The following VPS41 variants were observed in gnomAD, a reference collection of about 807,000 sequenced individuals.
VPS41 encodes the protein vacuolar protein sorting-associated protein 41 homolog.
A neutral mutation model predicts 130.9 loss-of-function variants in VPS41; 85 were observed. That is an observed-to-expected ratio of 0.65 (90% confidence interval 0.55 to 0.78). The LOEUF is 0.78. Among genes scored for constraint, VPS41 ranks in the 30% least tolerant of loss-of-function variants. The probability of loss-of-function intolerance (pLI) is 0.00; values close to 1 mark genes in which losing one functional copy is unlikely to be tolerated. For missense variants in VPS41, 874 were observed against 1,018.7 expected, an observed-to-expected ratio of 0.86 and a Z score of 1.93; for synonymous variants, 335 against 332.9, an observed-to-expected ratio of 1.01 and a Z score of -0.07.
At chr7:38,886,476 T>A (rs1378488770) in intron 2 of VPS41, among the ~76,000 whole-genome samples, 1 of 152,028 alleles carries the variant, frequency 6.6e-6, no homozygotes, top group Non-Finnish European at 1.5e-5. Flanking sequence ...GAGGCTTGAG[T>A]AGGCGGTTCT....
At chr7:38,859,162 A>G (rs1215291335) in intron 4 of VPS41, among the ~76,000 whole-genome samples, 1 of 152,188 alleles carries the variant, frequency 6.6e-6, no homozygotes, top group East Asian at 1.9e-4. Flanking sequence ...ATAAATACAT[A>G]AAGAAATATT....
chr7:38,736,416 A>C (rs992004429), intron 25 of VPS41, among the ~76,000 whole-genome samples: 1 of 152,260 alleles, frequency 6.6e-6, no homozygotes, highest in African/African-American at 2.4e-5. Context: ...TGGGAAGCCA[A>C]GCTCCAGAAA....
At chr7:38,838,304 T>C (rs1026650764) in intron 4 of VPS41, among the ~76,000 whole-genome samples, 6 of 152,178 alleles carry the variant, frequency 3.9e-5, no homozygotes, top group East Asian at 3.9e-4. Flanking sequence ...AACCTTCTAG[T>C]ACAGGATTCT....
chr7:38,822,871 C>T (rs1468254115), intron 5 of VPS41, among the ~76,000 whole-genome samples: 1 of 152,236 alleles, frequency 6.6e-6, no homozygotes, highest in African/African-American at 2.4e-5. Flanking sequence ...ATACTCTCAG[C>T]ATAAGAATTC....
intron 22 of VPS41, 136 bp downstream of exon 22, chr7:38,752,040 A>G: frequency 1.5e-6 from 2 of 1,300,348 alleles, no homozygotes; most frequent in Non-Finnish European, 1.1e-6. Flanking sequence ...CCAAAAACCT[A>G]CTTCTTTGAG....
chr7:38,802,938 A>G (rs1006621101), intron 7 of VPS41, among the ~76,000 whole-genome samples: 1 of 152,270 alleles, frequency 6.6e-6, no homozygotes. Context: ...AGCTAAGTAC[A>G]TAGAGAGGAA....
At chr7:38,783,683 C>T (rs1784392010) in intron 10 of VPS41, among the ~76,000 whole-genome samples, 1 of 151,998 alleles carries the variant, frequency 6.6e-6, no homozygotes, top group Non-Finnish European at 1.5e-5. Flanking sequence ...GACCATAAGC[C>T]CCTTAAGCCA....
At position 38,799,925 on chromosome 7, in the gene VPS41, G is replaced by C. The variant is rs142068594; in HGVS notation, c.451-3061C>G. Among the ~76,000 whole-genome samples, 994 of 152,144 alleles carry C rather than the reference G, an allele frequency of 6.5e-3. 7 individuals are homozygous for C. Among genetic ancestry groups the C allele is most frequent in the Middle Eastern group, 0.02 (6 of 294 alleles). ...ATCAGGCATGGGTATGTGGGGTGGGGGGTACAGTGGAGTATGTGCAGAGAA... is the reference window on the plus strand; with the variant it reads ...ATCAGGCATGGGTATGTGGGGTGGGCGGTACAGTGGAGTATGTGCAGAGAA... On this transcript the variant is annotated intron_variant, in intron 7 of 28. Transcript: ENST00000310301.
At chr7:38,897,281 A>G (rs1236910021) in intron 2 of VPS41, among the ~76,000 whole-genome samples, 1 of 151,804 alleles carries the variant, frequency 6.6e-6, no homozygotes, top group Non-Finnish European at 1.5e-5. Flanking sequence ...CCTTCCTTAT[A>G]TATTATTCTC....
intron 4 of VPS41, among the ~76,000 whole-genome samples, chr7:38,851,836 T>C (rs1785862175): frequency 6.6e-6 from 1 of 152,242 alleles, no homozygotes; most frequent in Non-Finnish European, 1.5e-5. Context: ...GTCTTTGTAA[T>C]TTTAGCCATT....
chr7:38,906,404 G>T (rs1292815382), intron 1 of VPS41, among the ~76,000 whole-genome samples: 2 of 151,694 alleles, frequency 1.3e-5, no homozygotes, highest in East Asian at 3.9e-4. Flanking sequence ...AAGTGCAGTG[G>T]CACGATCATG....
At chr7:38,762,397 T>C (rs1312814065) in intron 17 of VPS41, among the ~76,000 whole-genome samples, 1 of 152,194 alleles carries the variant, frequency 6.6e-6, no homozygotes, top group Non-Finnish European at 1.5e-5. Flanking sequence ...TGCTTATATG[T>C]TTGTCGTTAA....
chr7:38,883,789 G>A (rs983988555), intron 2 of VPS41, among the ~76,000 whole-genome samples: 9 of 152,130 alleles, frequency 5.9e-5, no homozygotes, highest in Admixed American at 2.0e-4. Context: ...AGAAAGGGGC[G>A]TAATAGAGAT....
At chr7:38,769,652 G>T (rs571694625) in intron 14 of VPS41, among the ~76,000 whole-genome samples, 1 of 152,286 alleles carries the variant, frequency 6.6e-6, no homozygotes, top group East Asian at 1.9e-4. Flanking sequence ...AGTCAGCCTA[G>T]ATTTTTACTC....
chr7:38,904,032 T>C (rs767617404), intron 1 of VPS41, among the ~76,000 whole-genome samples: 2 of 152,036 alleles, frequency 1.3e-5, no homozygotes, highest in Non-Finnish European at 2.9e-5. Flanking sequence ...ACTAACACAC[T>C]CCATCTGCAC....
intron 22 of VPS41, among the ~76,000 whole-genome samples, chr7:38,747,487 TC>T (rs1186933840): frequency 2.6e-5 from 4 of 152,236 alleles, no homozygotes; most frequent in Admixed American, 6.5e-5. Context: ...TTAAAAGGTA[TC>T]CATGAATCAA....
chr7:38,797,936 C>T (rs6462866), intron 7 of VPS41, among the ~76,000 whole-genome samples: 151,384 of 152,336 alleles, frequency 0.99, 75,224 homozygotes, highest in African/African-American at 1. Flanking sequence ...TAAAATGCTA[C>T]GACAGTTTGA....
chr7:38,793,283 G>T (rs1784565940), intron 9 of VPS41, among the ~76,000 whole-genome samples: 1 of 152,140 alleles, frequency 6.6e-6, no homozygotes, highest in South Asian at 2.1e-4. Context: ...CGTTTGTTGG[G>T]CAAATGAATG....
intron 2 of VPS41, among the ~76,000 whole-genome samples, chr7:38,871,382 A>T (rs1288809567): frequency 6.6e-6 from 1 of 152,228 alleles, no homozygotes; most frequent in Admixed American, 6.5e-5. Context: ...GAAAGGGGTT[A>T]ATCTGTGGAT....
Sources: allele counts gnomAD v4.1 joint callset (sites outside exome capture counted in the v4.1 genomes callset), GRCh38; gene constraint gnomAD v4.1.1; transcripts MANE v1.5; gene names NCBI Gene and HGNC (gene_info 2026-07-23, HGNC 2026-07-21).